ANKRD18A: variants seen among roughly 807,000 people sequenced by gnomAD.
ANKRD18A encodes the protein ankyrin repeat domain-containing protein 18A.
ANKRD18A carries 72 observed loss-of-function variants against 110.6 expected under a neutral mutation model. That is an observed-to-expected ratio of 0.65 (90% confidence interval 0.54 to 0.79). ANKRD18A has a LOEUF of 0.79. ANKRD18A is among the 30% of genes least tolerant of loss of function. The probability of loss-of-function intolerance (pLI) is 0.00; values close to 1 mark genes in which losing one functional copy is unlikely to be tolerated. For synonymous variants in ANKRD18A, 305 were observed against 410.3 expected, an observed-to-expected ratio of 0.74 and a Z score of 3.10; for missense variants, 934 against 1,163.3, an observed-to-expected ratio of 0.80 and a Z score of 2.87.
At chr9:38,570,239 C>A (rs1823590608), downstream of ANKRD18A, among the ~76,000 whole-genome samples, 2 of 152,144 alleles carry the variant, frequency 1.3e-5, no homozygotes, top group South Asian at 4.1e-4. Flanking sequence ...CTGGTCCCCA[C>A]TGACTGGGTT....
chr9:38,593,302 T>A (rs960528861), intron 10 of ANKRD18A, among the ~76,000 whole-genome samples: 4 of 152,212 alleles, frequency 2.6e-5, no homozygotes. Flanking sequence ...CAAAGAACAG[T>A]ATGATGGCCT....
In ANKRD18A at chr9:38,586,165, A is replaced by C. The variant is rs1824371931; in HGVS notation, c.2247+18T>G. ...GTAATCTAGACCTTAAGATAAAATA[A>C]TAATTTTTTAAAATTACCTTCTGTT... On this transcript the variant is annotated intron_variant, in intron 12 of 15. Coordinates refer to ENST00000399703, the MANE Select transcript of ANKRD18A (RefSeq NM_147195.4). The C allele has an allele frequency of 6.3e-7, 1 of 1,582,696 alleles. No homozygotes were observed. The highest frequency in any genetic ancestry group is 1.4e-5 in the African/African-American group (1 of 73,024).
chr9:38,604,095 T>C (rs1236698323), intron 6 of ANKRD18A: 1 of 152,032 alleles, frequency 6.6e-6, no homozygotes, highest in African/African-American at 2.4e-5. Flanking sequence ...GTCAAGAGAC[T>C]GAGACCATTC....
At position 38,576,377 on chromosome 9, in the gene ANKRD18A, C is replaced by T. The variant is rs630201; in HGVS notation, c.2741+676G>A. ...TCTGAAGGCAATTAGCCCTCAACACCGTGACCAAGGCACTGGAGGTGGGGC... is the reference window on the plus strand; with the variant it reads ...TCTGAAGGCAATTAGCCCTCAACACTGTGACCAAGGCACTGGAGGTGGGGC... On this transcript the variant is annotated intron_variant, in intron 14 of 15. Coordinates refer to ENST00000399703, the MANE Select transcript of ANKRD18A (RefSeq NM_147195.4). Among the ~76,000 whole-genome samples the T allele has an allele frequency of 1.5e-3, 230 of 152,226 alleles. 1 individual carries two copies. Among genetic ancestry groups the T allele is most frequent in the Middle Eastern group, 6.8e-3 (2 of 294 alleles).
At chr9:38,581,903 G>A (rs1415573518) in intron 12 of ANKRD18A, among the ~76,000 whole-genome samples, 1 of 152,158 alleles carries the variant, frequency 6.6e-6, no homozygotes, top group Admixed American at 6.5e-5. Context: ...CCTCTACTGA[G>A]CTAGAAAGCA....
At chr9:38,613,617 AG>A (rs1825734081) in intron 3 of ANKRD18A, among the ~76,000 whole-genome samples, 1 of 152,254 alleles carries the variant, frequency 6.6e-6, no homozygotes, top group South Asian at 2.1e-4. Flanking sequence ...ATGGACAATT[AG>A]TTCATAGGAA....
downstream of ANKRD18A, chr9:38,569,450 C>A (rs1197095904): frequency 3.0e-6 from 3 of 983,860 alleles, no homozygotes; most frequent in African/African-American, 5.3e-5. Flanking sequence ...ACCTAGAAAA[C>A]AATCCTTCAT....
chr9:38,600,012 T>C (rs1825055513), intron 8 of ANKRD18A, among the ~76,000 whole-genome samples: 2 of 152,202 alleles, frequency 1.3e-5, no homozygotes, highest in Non-Finnish European at 2.9e-5. Flanking sequence ...CTAAATTAAG[T>C]ATGAACAAAG....
Position 38,586,206 on chromosome 9 carries a change from G to T in ANKRD18A, c.2224C>A (p.Leu742Met), listed in dbSNP as rs576582593. 2.6e-4 allele frequency: 421 copies of T among 1,609,400 alleles called. No individual in the cohort carries two copies. The highest frequency in any genetic ancestry group is 1.5e-3 in the African/African-American group (109 of 74,806). The part of the protein sequence containing the change: ...LNTDQLKMDI[L>M]FKKLKQKFND... Reference sequence around the variant, plus strand: ...ACCTTCTGTTTTAGCTTCTTAAACAGAATATCCATTTTCAGTTGGTCTGTA... The same window carrying T: ...ACCTTCTGTTTTAGCTTCTTAAACATAATATCCATTTTCAGTTGGTCTGTA... Residue 742 changes from leucine (L) to methionine (M), a missense_variant, in exon 12 of 16, where the codon CTG becomes ATG. Coordinates refer to ENST00000399703, the MANE Select transcript of ANKRD18A (RefSeq NM_147195.4).
At chr9:38,575,391 A>G in intron 15 of ANKRD18A, 85 bp downstream of exon 15, 2 of 1,349,446 alleles carry the variant, frequency 1.5e-6, no homozygotes, top group Middle Eastern at 2.7e-4. Context: ...TGCGTAAGTC[A>G]ACAGAACTCA....
Position 38,575,482 on chromosome 9 carries a change from C to A in ANKRD18A, c.2958G>T (p.Leu986Phe), listed in dbSNP as rs1289704728. The A allele has an allele frequency of 6.4e-6, 10 of 1,550,708 alleles. No individual in the cohort carries two copies. Among genetic ancestry groups the A allele is most frequent in the Non-Finnish European group, 8.7e-6 (10 of 1,146,582 alleles). The change falls in exon 15 of 16, where the codon TTG becomes TTT. Residue 986 changes from leucine (L) to phenylalanine (F), a missense_variant. Transcript: ENST00000399703. Reference protein sequence around the residue: ...PQTSNNCKNFLTEVLLC With the variant: ...PQTSNNCKNFFTEVLLC Reference sequence around the variant, plus strand: ...AAATGGTCATATAACTAACCTCAGTCAAGAAGTTCTTGCAGTTATTTGAAG... The same window carrying A: ...AAATGGTCATATAACTAACCTCAGTAAAGAAGTTCTTGCAGTTATTTGAAG...
intron 12 of ANKRD18A, among the ~76,000 whole-genome samples, chr9:38,583,597 C>T (rs1364662425): frequency 1.3e-5 from 2 of 152,052 alleles, no homozygotes; most frequent in Non-Finnish European, 2.9e-5. Flanking sequence ...ACCATGTTGG[C>T]CAGGATGCTC....
chr9:38,620,013 G>T, intron 1 of ANKRD18A, 67 bp downstream of exon 1: 3 of 1,530,862 alleles, frequency 2.0e-6, no homozygotes, highest in Non-Finnish European at 2.6e-6. Context: ...CCGCCCCAGG[G>T]GCTGCCGGGC....
intron 4 of ANKRD18A, among the ~76,000 whole-genome samples, 154 bp downstream of exon 4, chr9:38,611,061 C>A (rs573678132): frequency 6.6e-6 from 1 of 152,210 alleles, no homozygotes; most frequent in Non-Finnish European, 1.5e-5. Context: ...GTCCAAATAA[C>A]TTCTTTTCTA....
At chr9:38,615,295 T>A (rs1218449531) in intron 3 of ANKRD18A, among the ~76,000 whole-genome samples, 1 of 152,112 alleles carries the variant, frequency 6.6e-6, no homozygotes. Context: ...TCCAGGGTAA[T>A]TTTTTCCCTG....
At chr9:38,588,156 GT>G (rs1481579075) in intron 11 of ANKRD18A, among the ~76,000 whole-genome samples, 1 of 151,994 alleles carries the variant, frequency 6.6e-6, no homozygotes, top group Admixed American at 6.6e-5. Flanking sequence ...TTCAGATTGT[GT>G]TGTAAGTTTC....
At position 38,613,514 on chromosome 9, in the gene ANKRD18A, C is replaced by T. The variant is rs1409718750; in HGVS notation, c.495+2080G>A. On this transcript the variant is annotated intron_variant, in intron 3 of 15. Transcript: ENST00000399703. ...CCTGATATATACATAATAAAAATTG[C>T]TGTTAACACTCATAATACCCACCTC... Among the ~76,000 whole-genome samples, 4 of 152,092 alleles carry T rather than the reference C, an allele frequency of 2.6e-5. No individual in the cohort carries two copies. The East Asian group carries it at 5.8e-4, about 22-fold the overall frequency.
chr9:38,586,957 G>C (rs1303217438), intron 11 of ANKRD18A, among the ~76,000 whole-genome samples: 1 of 152,052 alleles, frequency 6.6e-6, no homozygotes, highest in Non-Finnish European at 1.5e-5. Flanking sequence ...ATAACCGAGA[G>C]ATGAGTAACC....
At position 38,596,214 on chromosome 9, in the gene ANKRD18A, T is replaced by C; in HGVS notation, c.1126A>G (p.Asn376Asp). 6.5e-7 allele frequency: 1 copy of C among 1,537,092 alleles called. No homozygotes were observed. The highest frequency in any genetic ancestry group is 8.8e-7 in the Non-Finnish European group (1 of 1,141,576). Residue 376 changes from asparagine (N) to aspartate (D), a missense_variant, in exon 9 of 16, where the codon AAT becomes GAT. By Grantham distance (23) the Asn-to-Asp change is conservative. Around this residue, in one of 4 missense-constraint regions of ANKRD18A, gnomAD observed 630 missense variants for 797.5 expected, o/e 0.79. Coordinates refer to ENST00000399703, the MANE Select transcript of ANKRD18A (RefSeq NM_147195.4). ...NANFEKSVRL[N>D]EKMITKTVAR... The stretch of plus-strand genomic sequence containing the variant: ...ACTGTTTTTGTTATCATTTTTTCAT[T>C]GAGTCTTACACTCTTTTCAAAGTTA...
Sources: allele counts gnomAD v4.1 joint callset (sites outside exome capture counted in the v4.1 genomes callset), GRCh38; gene constraint gnomAD v4.1.1; regional missense constraint gnomAD v4.1.1; transcripts MANE v1.5; gene names NCBI Gene and HGNC (gene_info 2026-07-23, HGNC 2026-07-21).